The following ELFN1 variants were observed in gnomAD, a reference collection of about 807,000 sequenced individuals.
ELFN1 encodes the protein protein ELFN1.
In ELFN1, 6 loss-of-function variants were observed where a neutral mutation model predicts 7.6. The ratio of observed to expected loss-of-function variants is 0.79; its 90% CI spans 0.43 to 1.56. The LOEUF (loss-of-function observed/expected upper bound fraction) is 1.56, where lower values mean the gene tolerates loss of function less well. Ranked by LOEUF, ELFN1 falls within the 40% of genes most tolerant of loss-of-function variation. The probability of loss-of-function intolerance (pLI) is 0.01; values close to 1 mark genes in which losing one functional copy is unlikely to be tolerated. For synonymous variants in ELFN1, 657 were observed against 588.1 expected (o/e 1.12, Z -1.70); for missense variants, 1,169 against 1,232.2 (o/e 0.95, Z 0.77).
chr7:1,737,759 C>T (rs951849797), intron 3 of ELFN1, among the ~76,000 whole-genome samples: 2 of 152,166 alleles, frequency 1.3e-5, no homozygotes, highest in Admixed American at 1.3e-4. Context: ...CAGGAGTGCT[C>T]CTGTTTCCAG....
upstream of ELFN1, among the ~76,000 whole-genome samples, chr7:1,666,292 G>A (rs556028786): frequency 8.9e-4 from 136 of 152,026 alleles, 1 homozygote; most frequent in African/African-American, 3.1e-3. This position sits in a 1 kb window ranked among gnomAD's most constrained non-coding sequence, Gnocchi z 7.9. Flanking sequence ...TCTGGGGGGG[G>A]CGGCGGGGGG....
At position 1,746,728 on chromosome 7, in the gene ELFN1, A is replaced by G; in HGVS notation, c.2132A>G (p.His711Arg). The G allele has an allele frequency of 6.7e-7, 1 of 1,481,728 alleles. No homozygotes were observed. The highest frequency in any genetic ancestry group is 8.9e-7 in the Non-Finnish European group (1 of 1,122,838). The allele number at this position is 1,481,728 out of a possible 1,614,324, so 91.8% of individuals were successfully genotyped here. The stretch of plus-strand genomic sequence containing the variant: ...CACCGGCACTCGTACCCCGGCTCCC[A>G]CCCGGCCGAGCCACCTGCGCCCCCC... ...GEHRHSYPGS[H>R]PAEPPAPPGP... is the part of the protein sequence containing the mutation. Residue 711 changes from histidine to arginine, a missense_variant, in exon 4 of 4, where the codon CAC becomes CGC. His to Arg is a conservative substitution (Grantham distance 29). Coordinates refer to ENST00000424383, the MANE Select transcript of ELFN1 (RefSeq NM_001128636.4).
At chr7:1,738,303 G>A (rs1168797028) in intron 3 of ELFN1, among the ~76,000 whole-genome samples, 1 of 152,214 alleles carries the variant, frequency 6.6e-6, no homozygotes, top group Non-Finnish European at 1.5e-5. Flanking sequence ...GATGTGCACA[G>A]ACCGATGAGA....
At chr7:1,675,957 G>A (rs992274090) in intron 1 of ELFN1, among the ~76,000 whole-genome samples, 3 of 152,058 alleles carry the variant, frequency 2.0e-5, no homozygotes, top group Admixed American at 6.5e-5. Flanking sequence ...CCCTCAGGAT[G>A]TGTCTCCTGG....
chr7:1,738,001 C>T (rs117614450), intron 3 of ELFN1, among the ~76,000 whole-genome samples: 2,028 of 152,356 alleles, frequency 0.013, 31 homozygotes, highest in African/African-American at 0.032. Context: ...GCCTGGTAGG[C>T]TCAGTCCTGG....
At position 1,705,079 on chromosome 7, in the gene ELFN1, C is replaced by T. The variant is rs1238207937; in HGVS notation, c.-455-4012C>T. ...GACCTGCTGGGGTGGGGGGCGCGTA[C>T]TGGAGAACAGAGGGACACCCAGTGG... On this transcript the variant is annotated intron_variant, in intron 2 of 3. Transcript: ENST00000424383. The surrounding 1 kb of genome is among the most constrained non-coding windows in gnomAD (Gnocchi z 4.3). 1.3e-5 allele frequency among the ~76,000 whole-genome samples: 2 copies of T among 152,026 alleles called. No individual in the cohort carries two copies. The highest frequency in any genetic ancestry group is 2.9e-5 in the Non-Finnish European group (2 of 67,972).
chr7:1,707,319 C>A (rs560481191), intron 2 of ELFN1, among the ~76,000 whole-genome samples: 2 of 152,362 alleles, frequency 1.3e-5, no homozygotes, highest in African/African-American at 4.8e-5. Flanking sequence ...GCTGCACACG[C>A]CTGTCTCCTA....
At chr7:1,694,825 C>A (rs1449232522) in intron 2 of ELFN1, among the ~76,000 whole-genome samples, 2 of 152,246 alleles carry the variant, frequency 1.3e-5, no homozygotes, top group Admixed American at 1.3e-4. Context: ...TTCGAGACCA[C>A]CTGTCAGCTG....
chr7:1,721,395 G>A (rs7808968), intron 3 of ELFN1, among the ~76,000 whole-genome samples: 131 of 152,342 alleles, frequency 8.6e-4, no homozygotes, highest in African/African-American at 2.8e-3. Context: ...TATTGGGAGC[G>A]TCTCTTGATG....
chr7:1,678,080 C>T (rs986600123), intron 1 of ELFN1, among the ~76,000 whole-genome samples: 1 of 152,044 alleles, frequency 6.6e-6, no homozygotes, highest in African/African-American at 2.4e-5. Context: ...CCAGTGTTCC[C>T]GCACCCGAAT....
At chr7:1,693,274 G>A (rs1190298136) in intron 2 of ELFN1, 1 of 448,736 alleles carries the variant, frequency 2.2e-6, no homozygotes, top group Non-Finnish European at 4.7e-6. Flanking sequence ...AAGAGAGGAT[G>A]TACTGGCTGG....
At chr7:1,708,121 T>C (rs1412866692) in intron 2 of ELFN1, among the ~76,000 whole-genome samples, 1 of 151,964 alleles carries the variant, frequency 6.6e-6, no homozygotes, top group Non-Finnish European at 1.5e-5. Context: ...CCACAGCACT[T>C]CCCCTCCTGC....
At chr7:1,668,351 CG>C (rs763622202), upstream of ELFN1, among the ~76,000 whole-genome samples, 465 of 152,362 alleles carry the variant, frequency 3.1e-3, no homozygotes, top group Non-Finnish European at 5.2e-3. Context: ...GCAGGGCACA[CG>C]GGGGACACCT....
intron 3 of ELFN1, among the ~76,000 whole-genome samples, chr7:1,722,187 A>G (rs1583369916): frequency 6.6e-6 from 1 of 151,062 alleles, no homozygotes; most frequent in Non-Finnish European, 1.5e-5. Context: ...CCAAATCAGG[A>G]CCCCAGAGTT....
chr7:1,722,462 T>G (rs1244766038), intron 3 of ELFN1, among the ~76,000 whole-genome samples: 1 of 151,860 alleles, frequency 6.6e-6, no homozygotes, highest in Non-Finnish European at 1.5e-5. Flanking sequence ...AGAGACAGGA[T>G]TTCACCATAT....
chr7:1,700,780 G>T (rs1779410003), intron 2 of ELFN1, among the ~76,000 whole-genome samples: 2 of 152,250 alleles, frequency 1.3e-5, no homozygotes, highest in African/African-American at 4.8e-5. Flanking sequence ...GATCTGATGA[G>T]ATGCTTGAAG....
intron 2 of ELFN1, among the ~76,000 whole-genome samples, chr7:1,707,657 T>C (rs1275864185): frequency 1.3e-5 from 2 of 152,168 alleles, no homozygotes; most frequent in Non-Finnish European, 2.9e-5. Context: ...CCAACACAGG[T>C]TCAACCTCAT....
intron 1 of ELFN1, among the ~76,000 whole-genome samples, chr7:1,680,517 G>C (rs1778954582): frequency 6.6e-6 from 1 of 152,172 alleles, no homozygotes; most frequent in African/African-American, 2.4e-5. Flanking sequence ...TTCCTGAGCA[G>C]CTTTACAGAG....
chr7:1,703,736 C>A (rs1355136487), intron 2 of ELFN1, among the ~76,000 whole-genome samples: 3 of 152,140 alleles, frequency 2.0e-5, no homozygotes, highest in African/African-American at 7.2e-5. Context: ...ACCACGGGGA[C>A]AATCCTACTG....
Sources: gnomAD v4.1 joint callset for allele counts (sites outside exome capture counted in the v4.1 genomes callset) on GRCh38, gnomAD v4.1.1 for gene constraint, Gnocchi (gnomAD v3.1) non-coding constraint, MANE v1.5 for transcripts, NCBI Gene and HGNC (gene_info 2026-07-23, HGNC 2026-07-21) for gene names.